The following ATP2B3 variants were observed in gnomAD, a reference collection of about 807,000 sequenced individuals.
ATP2B3 encodes the protein ATPase plasma membrane Ca2+ transporting 3, also known as plasma membrane calcium-transporting ATPase 3.
In ATP2B3, 12 loss-of-function variants were observed where a neutral mutation model predicts 70.8. That is an observed-to-expected ratio of 0.17 (90% CI 0.11 to 0.27). The LOEUF (loss-of-function observed/expected upper bound fraction) is 0.27. ATP2B3 is among the 10% of genes least tolerant of loss of function. ATP2B3 has a pLI of 1.00. For synonymous variants in ATP2B3, 460 were observed against 497.8 expected, an observed-to-expected ratio of 0.92 and a Z score of 1.01; for missense variants, 858 against 1,118.5, an observed-to-expected ratio of 0.77 and a Z score of 3.32.
intron 9 of ATP2B3, 56 bp downstream of exon 9, chrX:153,548,055 G>A: frequency 8.7e-7 from 1 of 1,151,977 alleles, no homozygotes; most frequent in Non-Finnish European, 1.2e-6. Flanking sequence ...GGAGGATGCT[G>A]GGCTCCTGGA....
At chrX:153,543,882 G>A (rs1351527468) in intron 7 of ATP2B3, among the ~76,000 whole-genome samples, 1 of 110,477 alleles carries the variant, frequency 9.1e-6, no homozygotes, top group African/African-American at 3.3e-5. Flanking sequence ...CACCCGCATG[G>A]GAAAGCTCTG....
In ATP2B3 at chrX:153,542,131, A is replaced by G. The variant is rs781910446; in HGVS notation, c.665-192A>G. 5.7e-5 allele frequency among the ~76,000 whole-genome samples: 5 copies of G among 87,414 alleles called. No homozygotes were observed. The East Asian group carries it at 1.9e-3, about 33-fold the overall frequency. 75.9% of individuals were successfully genotyped at this position (87,414 alleles called of 115,157 possible). On this transcript the variant is annotated intron_variant, in intron 5 of 21. Coordinates refer to ENST00000263519, the MANE Select transcript of ATP2B3 (RefSeq NM_001001344.3). ...TGGTTTCAGACACAGCAGGCCCCCG[A>G]AGAATCAACTGTCCCCACAGCCTCC...
intron 21 of ATP2B3, among the ~76,000 whole-genome samples, chrX:153,566,029 G>A (rs1329937939): frequency 2.7e-5 from 3 of 112,261 alleles, no homozygotes; most frequent in East Asian, 2.8e-4. Flanking sequence ...AATCCTGGCC[G>A]GGGAGGAAGA....
At chrX:153,570,092 TG>T (rs1283321418) in intron 21 of ATP2B3, 4 of 339,428 alleles carry the variant, frequency 1.2e-5, no homozygotes, top group Admixed American at 5.6e-5. Context: ...GGGCCGCTTC[TG>T]GGGGTGTCTG....
intron 12 of ATP2B3, among the ~76,000 whole-genome samples, chrX:153,551,933 G>A (rs935824351): frequency 1.8e-5 from 2 of 112,181 alleles, no homozygotes; most frequent in Non-Finnish European, 3.8e-5. Flanking sequence ...TCTGCAGGAC[G>A]CCCAGGGCTC....
At chrX:153,521,689 A>G (rs1348388814) in intron 2 of ATP2B3, among the ~76,000 whole-genome samples, 1 of 111,433 alleles carries the variant, frequency 9.0e-6, no homozygotes, top group Non-Finnish European at 1.9e-5. Context: ...TTCCAGTGAG[A>G]AGTTCTCCCC....
At chrX:153,560,956 C>G in intron 19 of ATP2B3, 69 bp downstream of exon 19, 1 of 1,137,705 alleles carries the variant, frequency 8.8e-7, no homozygotes, top group South Asian at 1.9e-5. Context: ...CTTCAAGACC[C>G]CTCGTCCACC....
chrX:153,538,335 G>A (rs925465268), intron 3 of ATP2B3, among the ~76,000 whole-genome samples: 2 of 113,192 alleles, frequency 1.8e-5, no homozygotes, highest in Non-Finnish European at 3.8e-5. Flanking sequence ...GCACTCCCCC[G>A]TGGGGCAGGT....
At chrX:153,556,482 C>A in intron 15 of ATP2B3, 64 bp downstream of exon 15, 1 of 1,093,641 alleles carries the variant, frequency 9.1e-7, no homozygotes, top group Non-Finnish European at 1.2e-6. Flanking sequence ...TTCCTGACAC[C>A]AAAAGCCAGG....
intron 21 of ATP2B3, among the ~76,000 whole-genome samples, chrX:153,565,605 A>G (rs959039219): frequency 1.3e-4 from 15 of 112,334 alleles, no homozygotes; most frequent in Non-Finnish European, 2.8e-4. Context: ...GGTCATCCAA[A>G]TCACCAAGGG....
intron 3 of ATP2B3, among the ~76,000 whole-genome samples, chrX:153,540,007 CA>C (rs1323903817): frequency 8.9e-6 from 1 of 112,762 alleles, no homozygotes; most frequent in African/African-American, 3.2e-5. Flanking sequence ...GGGTGTCATT[CA>C]AGTCGCCATG....
chrX:153,554,137 G>A (rs1431609126), intron 13 of ATP2B3, among the ~76,000 whole-genome samples: 1 of 113,876 alleles, frequency 8.8e-6, no homozygotes, highest in Non-Finnish European at 1.9e-5. Context: ...GAGCAGCCCC[G>A]TGCCCCGAGG....
At chrX:153,572,898 G>C (rs1012002767) in intron 21 of ATP2B3, among the ~76,000 whole-genome samples, 1 of 112,432 alleles carries the variant, frequency 8.9e-6, no homozygotes, top group East Asian at 2.8e-4. Context: ...TAGGAGGCAC[G>C]GGAGGGTGCG....
At chrX:153,569,902 C>A in intron 21 of ATP2B3, 1 of 648,052 alleles carries the variant, frequency 1.5e-6, no homozygotes, top group Non-Finnish European at 2.3e-6. Context: ...CCAGTCCTTC[C>A]CGCCCAGACG....
intron 21 of ATP2B3, among the ~76,000 whole-genome samples, chrX:153,572,385 G>A (rs73629350): frequency 0.012 from 1,386 of 112,732 alleles, 18 homozygotes; most frequent in African/African-American, 0.043. Context: ...AGCTGCCTCC[G>A]TCCCAAGCCT....
At chrX:153,566,047 C>G (rs1476831197) in intron 21 of ATP2B3, among the ~76,000 whole-genome samples, 1 of 112,479 alleles carries the variant, frequency 8.9e-6, no homozygotes, top group Non-Finnish European at 1.9e-5. Flanking sequence ...AGAAAGGGCC[C>G]ATGGGGACCC....
At chrX:153,557,981 TGGGGGGCGGGGTGGGATGTTATTCAGAA>T in intron 16 of ATP2B3, 103 bp from the exon 17 acceptor site, 2 of 571,863 alleles carry the variant, frequency 3.5e-6, no homozygotes, top group East Asian at 7.9e-5. Context: ...TTCTTGGCTT[TGGGGGGCGGGGTGGGATGTTATTCAGAA>T]GGGGAGAGCA....
chrX:153,541,602 T>G, intron 4 of ATP2B3, 46 bp downstream of exon 4: 1 of 1,206,207 alleles, frequency 8.3e-7, no homozygotes, highest in Middle Eastern at 2.3e-4. Context: ...GGAATGGGGC[T>G]TGAGATGAGG....
chrX:153,537,493 G>A (rs1274985050), intron 3 of ATP2B3, among the ~76,000 whole-genome samples: 1 of 113,509 alleles, frequency 8.8e-6, no homozygotes, highest in Admixed American at 9.2e-5. Context: ...CCTCGGCCCC[G>A]TCTGTCTGCA....
Sources: allele counts gnomAD v4.1 joint callset (sites outside exome capture counted in the v4.1 genomes callset), GRCh38; gene constraint gnomAD v4.1.1; transcripts MANE v1.5; gene names NCBI Gene and HGNC (gene_info 2026-07-23, HGNC 2026-07-21).